Variants in PRDM2 observed in about 807,000 individuals in gnomAD.
The protein encoded by PRDM2 is PR/SET domain 2.
PRDM2 carries 30 observed loss-of-function variants against 130.0 expected under a neutral mutation model. The observed-to-expected ratio is 0.23, with a 90% CI of 0.17 to 0.31. PRDM2 has a LOEUF of 0.31. Among genes scored for constraint, PRDM2 ranks in the 10% least tolerant of loss-of-function variants. The probability of loss-of-function intolerance (pLI) is 1.00; values close to 1 mark genes in which losing one functional copy is unlikely to be tolerated. For synonymous variants in PRDM2, 871 were observed against 782.4 expected (o/e 1.11, Z -1.89); for missense variants, 2,011 against 2,108.4 (o/e 0.95, Z 0.90).
At chr1:13,709,008 C>T (rs1642290456) in intron 1 of PRDM2, among the ~76,000 whole-genome samples, 1 of 152,154 alleles carries the variant, frequency 6.6e-6, no homozygotes, top group Non-Finnish European at 1.5e-5. Context: ...GATGATTACT[C>T]TTGTGAAATT....
At chr1:13,773,244 T>C in intron 7 of PRDM2, 56 bp downstream of exon 7, 4 of 1,021,556 alleles carry the variant, frequency 3.9e-6, no homozygotes, top group Non-Finnish European at 4.1e-6. Context: ...CCAGTGAATT[T>C]AACTTTGTAT....
intron 1 of PRDM2, among the ~76,000 whole-genome samples, chr1:13,714,236 T>C (rs1642466705): frequency 6.6e-6 from 1 of 152,156 alleles, no homozygotes; most frequent in Non-Finnish European, 1.5e-5. Context: ...ATGTTCAATA[T>C]GTGATGTTTA....
chr1:13,723,492 A>C, intron 2 of PRDM2, among the ~76,000 whole-genome samples: 1 of 152,122 alleles, frequency 6.6e-6, no homozygotes, highest in East Asian at 1.9e-4. Flanking sequence ...TGGAGAAAGG[A>C]ATTGGACGTG....
intron 8 of PRDM2, among the ~76,000 whole-genome samples, chr1:13,800,525 G>A (rs11803035): frequency 0.1 from 15,414 of 152,162 alleles, 900 homozygotes; most frequent in Admixed American, 0.2. Context: ...GAGGGGAGAC[G>A]GTGAGCAGCA....
chr1:13,746,951 G>C (rs1643629206), intron 5 of PRDM2, among the ~76,000 whole-genome samples: 1 of 152,234 alleles, frequency 6.6e-6, no homozygotes, highest in Non-Finnish European at 1.5e-5. Flanking sequence ...TTGTGATACA[G>C]ATTCTGGTGT....
chr1:13,746,273 T>C (rs964074489), intron 5 of PRDM2, among the ~76,000 whole-genome samples: 15 of 151,786 alleles, frequency 9.9e-5, no homozygotes, highest in Non-Finnish European at 1.5e-4. Flanking sequence ...GGATTTATAT[T>C]TCCTTTGTTG....
At chr1:13,714,091 G>T (rs1182848620) in intron 1 of PRDM2, among the ~76,000 whole-genome samples, 1 of 152,050 alleles carries the variant, frequency 6.6e-6, no homozygotes, top group East Asian at 1.9e-4. Flanking sequence ...GGATGGTCTC[G>T]ATCTCCTGAC....
intron 1 of PRDM2, among the ~76,000 whole-genome samples, chr1:13,714,233 A>G (rs980372385): frequency 1.3e-5 from 2 of 152,204 alleles, no homozygotes; most frequent in African/African-American, 4.8e-5. Flanking sequence ...ATTATGTTCA[A>G]TATGTGATGT....
In PRDM2 at chr1:13,781,371, G is replaced by C; in HGVS notation, c.3576G>C (p.Val1192=). ...TTCATGGAGTTGGGAATATCTTTGT[G>C]TGTTCTGTTTGTAAAAAAGAATTTG... ...FLLHGVGNIF[V]CSVCKKEFAF... is the part of the protein sequence containing the mutation. Residue 1192 remains valine (V), a synonymous_variant, in exon 8 of 10, where the codon GTG becomes GTC. Transcript: ENST00000311066. The surrounding 1 kb of genome is among the most constrained non-coding windows in gnomAD (Gnocchi z 6.1). 1.2e-6 allele frequency: 2 copies of C among 1,614,146 alleles called. No homozygotes were observed. Among genetic ancestry groups the C allele is most frequent in the Non-Finnish European group, 1.7e-6 (2 of 1,180,020 alleles).
chr1:13,718,299 A>G (rs1292295446), intron 2 of PRDM2, among the ~76,000 whole-genome samples: 3 of 152,196 alleles, frequency 2.0e-5, no homozygotes, highest in African/African-American at 7.2e-5. Context: ...TATGATGGGT[A>G]TGGTCTCAAA....
chr1:13,807,462 G>A (rs1645103260), intron 8 of PRDM2, among the ~76,000 whole-genome samples: 1 of 152,168 alleles, frequency 6.6e-6, no homozygotes. Flanking sequence ...CTGTTGATGG[G>A]GATAAGCACA....
At chr1:13,763,894 T>C (rs1334728381) in intron 6 of PRDM2, among the ~76,000 whole-genome samples, 1 of 152,216 alleles carries the variant, frequency 6.6e-6, no homozygotes, top group African/African-American at 2.4e-5. Context: ...TGTGGATATA[T>C]CGTAGCCTGA....
chr1:13,754,637 G>A (rs1483964138), intron 6 of PRDM2, among the ~76,000 whole-genome samples: 1 of 152,266 alleles, frequency 6.6e-6, no homozygotes, highest in Non-Finnish European at 1.5e-5. Context: ...CTTCCGTGGA[G>A]TTTGATCTCC....
At position 13,800,424 on chromosome 1, in the gene PRDM2, C is replaced by T. The variant is rs536852339; in HGVS notation, c.5037-16003C>T. Among the ~76,000 whole-genome samples, 37 of 152,198 alleles carry T rather than the reference C, an allele frequency of 2.4e-4. 1 individual carries two copies. In the South Asian group the frequency reaches 7.5e-3, roughly 31 times the overall value. On this transcript the variant is annotated intron_variant, in intron 8 of 9. Coordinates refer to ENST00000311066, the MANE Select transcript of PRDM2 (RefSeq NM_001393986.1). Reference sequence around the variant, plus strand: ...AAGACAGCTGGGAAGGGAGGCAGGGCGCAAACTGTGGAAGTCTTGTTCCAC... The same window carrying T: ...AAGACAGCTGGGAAGGGAGGCAGGGTGCAAACTGTGGAAGTCTTGTTCCAC...
intron 8 of PRDM2, among the ~76,000 whole-genome samples, chr1:13,807,133 G>A (rs1184539999): frequency 6.6e-6 from 1 of 152,212 alleles, no homozygotes; most frequent in Non-Finnish European, 1.5e-5. Flanking sequence ...TTGGGAGCCA[G>A]GAGGCCTGAG....
At chr1:13,789,810 A>G (rs969289359) in intron 8 of PRDM2, among the ~76,000 whole-genome samples, 3 of 152,224 alleles carry the variant, frequency 2.0e-5, no homozygotes, top group Non-Finnish European at 4.4e-5. Flanking sequence ...GGCCACATTT[A>G]AAGTGTTTCA....
intron 1 of PRDM2, among the ~76,000 whole-genome samples, chr1:13,708,548 C>T (rs1263185139): frequency 6.6e-6 from 1 of 152,146 alleles, no homozygotes; most frequent in Non-Finnish European, 1.5e-5. Context: ...CACTCCACTT[C>T]GCTATTTAGG....
chr1:13,765,999 C>T (rs559834368), intron 6 of PRDM2, among the ~76,000 whole-genome samples: 12 of 152,282 alleles, frequency 7.9e-5, no homozygotes, highest in South Asian at 4.1e-4. Context: ...CCTGCTGTCA[C>T]GAAAGACACC....
In PRDM2 at chr1:13,722,273, C is replaced by T. The variant is rs547042020; in HGVS notation, c.9+6659C>T. ...CGTTGCGAGTTGTTGGGAATGTTTTCGTGGAGGAGCTGGGATTTGAACTTG... is the reference window on the plus strand; with the variant it reads ...CGTTGCGAGTTGTTGGGAATGTTTTTGTGGAGGAGCTGGGATTTGAACTTG... On this transcript the variant is annotated intron_variant, in intron 2 of 9. Transcript: ENST00000311066. Among the ~76,000 whole-genome samples the T allele has an allele frequency of 2.6e-5, 4 of 152,128 alleles. No homozygotes were observed. In the South Asian group the frequency reaches 8.3e-4, roughly 32 times the overall value.
Sources: gnomAD v4.1 joint callset for allele counts (sites outside exome capture counted in the v4.1 genomes callset) on GRCh38, gnomAD v4.1.1 for gene constraint, Gnocchi (gnomAD v3.1) non-coding constraint, MANE v1.5 for transcripts, NCBI Gene and HGNC (gene_info 2026-07-23, HGNC 2026-07-21) for gene names.